COL11A1: variants seen among roughly 807,000 people sequenced by gnomAD.
COL11A1 encodes the protein collagen alpha-1(XI) chain.
A neutral mutation model predicts 265.2 loss-of-function variants in COL11A1; 74 were observed. The observed-to-expected ratio is 0.28, with a 90% CI of 0.23 to 0.34. The LOEUF (loss-of-function observed/expected upper bound fraction) is 0.34, where lower values mean the gene tolerates loss of function less well. Ranked by LOEUF, COL11A1 falls within the 10% of genes least tolerant of loss-of-function variation. The pLI, the probability that COL11A1 is intolerant of heterozygous loss-of-function variation, is 1.00. For missense variants in COL11A1, 2,165 were observed against 2,263.6 expected, an observed-to-expected ratio of 0.96 and a Z score of 0.88; for synonymous variants, 816 against 727.6, an observed-to-expected ratio of 1.12 and a Z score of -1.96.
intron 46 of COL11A1, among the ~76,000 whole-genome samples, chr1:102,924,198 G>A (rs1570743287): frequency 6.6e-6 from 1 of 152,264 alleles, no homozygotes; most frequent in African/African-American, 2.4e-5. Context: ...TCCAACCTGG[G>A]TGACAGAGCA....
At chr1:103,067,560 T>C (rs898651576) in intron 4 of COL11A1, among the ~76,000 whole-genome samples, 24 of 151,888 alleles carry the variant, frequency 1.6e-4, no homozygotes, top group Admixed American at 7.9e-4. Context: ...CCCTATACTT[T>C]GAGAGGCTAG....
In COL11A1 at chr1:103,074,933, A is replaced by G. The variant is rs34822172; in HGVS notation, c.489-153T>C. The stretch of plus-strand genomic sequence containing the variant: ...CATTTATTAAGCAGCCAGTTAACAG[A>G]TGACTACTTACTCGTTACCCAACAG... On this transcript the variant is annotated intron_variant, in intron 3 of 66. Coordinates refer to ENST00000370096, the MANE Select transcript of COL11A1 (RefSeq NM_001854.4). Among the ~76,000 whole-genome samples, 28,849 of 152,072 alleles carry G rather than the reference A, an allele frequency of 0.19. 2,864 individuals are homozygous for G. Among genetic ancestry groups the G allele is most frequent in the Middle Eastern group, 0.24 (71 of 294 alleles).
intron 46 of COL11A1, among the ~76,000 whole-genome samples, chr1:102,929,543 T>G (rs989662150): frequency 1.3e-5 from 2 of 152,126 alleles, no homozygotes; most frequent in Non-Finnish European, 1.5e-5. Flanking sequence ...CCAGCTTTGT[T>G]TTTTTGGCTT....
intron 35 of COL11A1, among the ~76,000 whole-genome samples, chr1:102,975,322 A>G (rs915636224): frequency 6.6e-6 from 1 of 151,684 alleles, no homozygotes; most frequent in Non-Finnish European, 1.5e-5. Flanking sequence ...CCTGTTCTGT[A>G]TCTAGCCGTA....
intron 35 of COL11A1, among the ~76,000 whole-genome samples, chr1:102,977,717 T>A (rs1295512335): frequency 6.6e-6 from 1 of 152,134 alleles, no homozygotes; most frequent in Non-Finnish European, 1.5e-5. Flanking sequence ...AATGTATTAT[T>A]TATGAGCTCA....
chr1:102,912,943 T>G (rs1412534959), intron 53 of COL11A1, among the ~76,000 whole-genome samples: 1 of 152,212 alleles, frequency 6.6e-6, no homozygotes, highest in Admixed American at 6.5e-5. Context: ...GTGAGTCAAT[T>G]AAACCTCTTT....
chr1:102,889,689 A>T, intron 58 of COL11A1, 127 bp from the exon 59 acceptor site: 1 of 718,608 alleles, frequency 1.4e-6, no homozygotes, highest in Middle Eastern at 3.7e-4. Context: ...AACAACATTA[A>T]AATACCCTTC....
At chr1:102,984,077 A>G (rs905021776) in intron 31 of COL11A1, 61 bp downstream of exon 31, 1 of 1,141,358 alleles carries the variant, frequency 8.8e-7, no homozygotes, top group Non-Finnish European at 1.3e-6. Flanking sequence ...TAAGGTAATC[A>G]TAAGTGATTA....
At chr1:102,914,630 T>C in intron 51 of COL11A1, 74 bp downstream of exon 51, 1 of 1,198,616 alleles carries the variant, frequency 8.3e-7, no homozygotes, top group Non-Finnish European at 1.2e-6. Flanking sequence ...TCTCAGGATT[T>C]CAAATCTTTC....
Position 103,031,122 on chromosome 1 carries a change from T to C in COL11A1, c.774A>G (p.Ile258Met). The change falls in exon 5 of 67, where the codon ATA becomes ATG. Residue 258 changes from isoleucine (I) to methionine (M), a missense_variant. By Grantham distance (10) the Ile-to-Met change is conservative. Transcript: ENST00000370096. ...CTGGTCTTGTGCTCCTCACCTCATC[T>C]ATCTGAGGTTCCTGAGCTTGAGCAG... Reference protein sequence around the residue: ...PKAAQAQEPQIDEYAPEDIIE... With the variant: ...PKAAQAQEPQMDEYAPEDIIE... The C allele has an allele frequency of 6.2e-7, 1 of 1,613,436 alleles. No homozygotes were observed. Among genetic ancestry groups the C allele is most frequent in the Non-Finnish European group, 8.5e-7 (1 of 1,179,588 alleles).
At chr1:102,890,269 C>T (rs1187791165) in intron 58 of COL11A1, among the ~76,000 whole-genome samples, 182 bp downstream of exon 58, 1 of 151,998 alleles carries the variant, frequency 6.6e-6, no homozygotes, top group Non-Finnish European at 1.5e-5. Flanking sequence ...GCACATTTTT[C>T]ACTATTTGCA....
intron 48 of COL11A1, among the ~76,000 whole-genome samples, 174 bp downstream of exon 48, chr1:102,921,344 A>T (rs1655966956): frequency 6.6e-6 from 1 of 152,200 alleles, no homozygotes; most frequent in Non-Finnish European, 1.5e-5. Flanking sequence ...TTCACTATAA[A>T]TTCCATTTAT....
At chr1:102,918,392 A>C (rs1655595951) in intron 49 of COL11A1, among the ~76,000 whole-genome samples, 1 of 151,980 alleles carries the variant, frequency 6.6e-6, no homozygotes, top group Admixed American at 6.6e-5. Context: ...TACATGAAGA[A>C]CAGGTTAAAT....
rs186740604 is a variant in COL11A1 at position 102,925,026 on chromosome 1, T to G, written c.3601-1637A>C. Among the ~76,000 whole-genome samples, 956 of 151,840 alleles carry G rather than the reference T, an allele frequency of 6.3e-3. 7 individuals carry two copies. Among genetic ancestry groups the G allele is most frequent in the Middle Eastern group, 0.017 (5 of 290 alleles). Reference sequence around the variant, plus strand: ...CTTATATATGCTATACATAATTAATTTTTAATGTTTGCATAATATTTTAGA... The same window carrying G: ...CTTATATATGCTATACATAATTAATGTTTAATGTTTGCATAATATTTTAGA... On this transcript the variant is annotated intron_variant, in intron 46 of 66. Coordinates refer to ENST00000370096, the MANE Select transcript of COL11A1 (RefSeq NM_001854.4).
chr1:103,083,261 TGTGTGC>T (rs1050755164), intron 1 of COL11A1, among the ~76,000 whole-genome samples: 16 of 149,092 alleles, frequency 1.1e-4, no homozygotes, highest in African/African-American at 4.0e-4. Context: ...TGTGTGTGTG[TGTGTGC>T]GTGTGTGTGT....
intron 54 of COL11A1, among the ~76,000 whole-genome samples, chr1:102,906,588 C>T (rs6664067): frequency 0.94 from 142,679 of 152,160 alleles, 66,937 homozygotes; most frequent in East Asian, 1. Flanking sequence ...TTAAAAGTTT[C>T]TGTGAAGATG....
chr1:103,051,000 A>C (rs1669769167), intron 4 of COL11A1, among the ~76,000 whole-genome samples: 1 of 152,204 alleles, frequency 6.6e-6, no homozygotes, highest in African/African-American at 2.4e-5. Context: ...GTGAGGTGTC[A>C]GTCTGCCCCT....
In COL11A1 at chr1:103,031,248, G is replaced by GTAA. The variant is rs1667966609; in HGVS notation, c.652-5_652-4insTTA. The GTAA allele has an allele frequency of 5.4e-6, 8 of 1,476,128 alleles. No individual in the cohort carries two copies. The highest frequency in any genetic ancestry group is 2.0e-5 in the African/African-American group (1 of 49,478). 91.4% of individuals were successfully genotyped at this position (1,476,128 alleles called of 1,614,324 possible). On this transcript the variant is annotated splice_polypyrimidine_tract_variant and splice_region_variant and intron_variant, in intron 4 of 66. Coordinates refer to ENST00000370096, the MANE Select transcript of COL11A1 (RefSeq NM_001854.4). ...TCAAAAACTGCTGAATGTCCCCCTG[G>GTAA]GAAAAAAAAAAAAACAAAAACAAAC...
chr1:102,925,709 A>G (rs1271343260), intron 46 of COL11A1, among the ~76,000 whole-genome samples: 2 of 152,092 alleles, frequency 1.3e-5, no homozygotes, highest in Admixed American at 6.6e-5. Flanking sequence ...AAATCAGTCA[A>G]TTTCAGAAAT....
Sources: gnomAD v4.1 joint callset for allele counts (sites outside exome capture counted in the v4.1 genomes callset) on GRCh38, gnomAD v4.1.1 for gene constraint, MANE v1.5 for transcripts, NCBI Gene and HGNC (gene_info 2026-07-23, HGNC 2026-07-21) for gene names.